The following SLC26A8 variants were observed in gnomAD, a reference collection of about 807,000 sequenced individuals.
SLC26A8 encodes solute carrier family 26 member 8.
In SLC26A8, 70 loss-of-function variants were observed where a neutral mutation model predicts 105.0. The ratio of observed to expected loss-of-function variants is 0.67; its 90% CI spans 0.55 to 0.81. The LOEUF (loss-of-function observed/expected upper bound fraction) is 0.81, where lower values mean the gene tolerates loss of function less well. Among genes scored for constraint, SLC26A8 ranks in the 40% least tolerant of loss-of-function variants. SLC26A8 has a pLI of 0.00. For missense variants in SLC26A8, 998 were observed against 1,181.8 expected (o/e 0.84, Z 2.28); for synonymous variants, 415 against 438.3 (o/e 0.95, Z 0.66).
intron 19 of SLC26A8, among the ~76,000 whole-genome samples, chr6:35,949,239 C>T (rs997960785): frequency 9.9e-5 from 15 of 152,080 alleles, no homozygotes; most frequent in African/African-American, 3.6e-4. Flanking sequence ...CAAGACCAGC[C>T]TGGCCTACAT....
rs764021050 is a variant in SLC26A8 at position 35,985,479 on chromosome 6, A to G, written c.943-3276T>C. ...GGAGGCCAAGGTGGGCAGATCACGA[A>G]GTCAGGAGATCGAGACCATCCTGGC... On this transcript the variant is annotated intron_variant, in intron 7 of 19. Transcript: ENST00000490799. 2.6e-5 allele frequency among the ~76,000 whole-genome samples: 4 copies of G among 151,748 alleles called. 1 individual carries two copies. The highest frequency in any genetic ancestry group is 4.2e-4 in the South Asian group (2 of 4,806).
chr6:36,016,604 T>C (rs1212887542), intron 2 of SLC26A8, among the ~76,000 whole-genome samples: 1 of 152,214 alleles, frequency 6.6e-6, no homozygotes, highest in Non-Finnish European at 1.5e-5. Context: ...AATTTTGGTA[T>C]TTTTGATATT....
At chr6:36,017,355 G>T (rs1252495154) in intron 2 of SLC26A8, among the ~76,000 whole-genome samples, 4 of 151,898 alleles carry the variant, frequency 2.6e-5, no homozygotes, top group African/African-American at 9.7e-5. Context: ...TTCTACATCA[G>T]GTGCGGTGGC....
At position 35,944,072 on chromosome 6, in the gene SLC26A8, G is replaced by C; in HGVS notation, c.2741C>G (p.Pro914Arg). The C allele has an allele frequency of 6.2e-7, 1 of 1,614,038 alleles. No homozygotes were observed. The highest frequency in any genetic ancestry group is 8.5e-7 in the Non-Finnish European group (1 of 1,180,002). Reference protein sequence around the residue: ...PETEPEMEPNPKSRPRAHTFP... With the variant: ...PETEPEMEPNRKSRPRAHTFP... ...AGTGTGAGCTCTTGGCCTAGATTTG[G>C]GGTTGGGCTCCATCTCAGGCTCAGT... The change falls in exon 20 of 20, where the codon CCC becomes CGC. Residue 914 changes from proline (P) to arginine (R), a missense_variant. By Grantham distance (103) the Pro-to-Arg change is moderately radical. Coordinates refer to ENST00000490799, the MANE Select transcript of SLC26A8 (RefSeq NM_052961.4).
intron 8 of SLC26A8, among the ~76,000 whole-genome samples, chr6:35,978,274 A>C (rs1773124823): frequency 6.6e-6 from 1 of 152,118 alleles, no homozygotes; most frequent in African/African-American, 2.4e-5. Flanking sequence ...TTATCCCAGA[A>C]TGAAGCATTA....
At chr6:36,019,735 A>C (rs373329413) in intron 1 of SLC26A8, 26 bp from the exon 2 acceptor site, 2 of 1,574,420 alleles carry the variant, frequency 1.3e-6, no homozygotes, top group Non-Finnish European at 1.7e-6. Context: ...GAGAGCAAAT[A>C]AAAGAGCATT....
intron 14 of SLC26A8, chr6:35,960,060 C>A (rs1192550745): frequency 1.2e-5 from 4 of 325,796 alleles, no homozygotes; most frequent in South Asian, 3.7e-5. Context: ...AGGCACCTGC[C>A]ATCACGCCCT....
At chr6:36,021,234 A>C (rs1762118784) in intron 1 of SLC26A8, among the ~76,000 whole-genome samples, 1 of 152,154 alleles carries the variant, frequency 6.6e-6, no homozygotes, top group Non-Finnish European at 1.5e-5. Context: ...TGGGAGAGGT[A>C]TTTTACAATA....
chr6:35,984,934 C>A (rs1408275295), intron 7 of SLC26A8, among the ~76,000 whole-genome samples: 1 of 152,142 alleles, frequency 6.6e-6, no homozygotes, highest in Non-Finnish European at 1.5e-5. Context: ...CCAGCATTAA[C>A]CTCAAAACAG....
chr6:35,974,364 A>T (rs1333253039), intron 10 of SLC26A8, among the ~76,000 whole-genome samples: 1 of 152,178 alleles, frequency 6.6e-6, no homozygotes, highest in Non-Finnish European at 1.5e-5. Flanking sequence ...CATTAGACTT[A>T]TAAAATCTCA....
intron 14 of SLC26A8, 168 bp downstream of exon 14, chr6:35,960,672 AAAT>A: frequency 8.9e-6 from 6 of 677,334 alleles, no homozygotes; most frequent in Admixed American, 8.8e-5. Context: ...CCAAAAAAAA[AAAT>A]AAAAACAAAG....
intron 7 of SLC26A8, among the ~76,000 whole-genome samples, chr6:35,988,416 T>C (rs1324133819): frequency 6.6e-6 from 1 of 152,130 alleles, no homozygotes; most frequent in African/African-American, 2.4e-5. Context: ...GGCAGCTCAC[T>C]TGAGGTCAGG....
chr6:35,988,815 A>C (rs549853678), intron 7 of SLC26A8, among the ~76,000 whole-genome samples: 7 of 150,386 alleles, frequency 4.7e-5, no homozygotes, highest in Admixed American at 4.0e-4. Context: ...TAAAGTGCAC[A>C]GCTTTTAGAT....
chr6:36,002,294 T>G (rs1458647471), intron 3 of SLC26A8, among the ~76,000 whole-genome samples: 2 of 152,202 alleles, frequency 1.3e-5, no homozygotes, highest in Non-Finnish European at 2.9e-5. Context: ...TATCCTGTCT[T>G]TGTTTCCAGT....
At chr6:35,945,927 T>A (rs553876467) in intron 19 of SLC26A8, among the ~76,000 whole-genome samples, 1 of 152,126 alleles carries the variant, frequency 6.6e-6, no homozygotes, top group Non-Finnish European at 1.5e-5. Context: ...TCGACCACCA[T>A]ATGACACTCT....
chr6:35,993,186 T>TGGGG (rs71307460), intron 5 of SLC26A8, among the ~76,000 whole-genome samples: 151 of 30,724 alleles, frequency 4.9e-3, no homozygotes, highest in South Asian at 0.015. Flanking sequence ...TGATAGAGAT[T>TGGGG]GGAGGGGGGG....
chr6:35,984,260 T>A (rs1279599752), intron 7 of SLC26A8, among the ~76,000 whole-genome samples: 1 of 152,036 alleles, frequency 6.6e-6, no homozygotes. Context: ...AGCATTGTAA[T>A]TATTTATAGC....
At position 36,024,623 on chromosome 6, in the gene SLC26A8, C is replaced by G. The variant is rs1347288581; in HGVS notation, c.-122G>C. The G allele has an allele frequency of 5.2e-6, 2 of 381,670 alleles. No individual in the cohort carries two copies. Among genetic ancestry groups the G allele is most frequent in the Admixed American group, 6.5e-5 (2 of 30,678 alleles). The allele number at this position is 381,670 out of a possible 1,614,324, so 23.6% of individuals were successfully genotyped here. On this transcript the variant is annotated 5_prime_UTR_variant, in exon 1 of 20. Transcript: ENST00000490799. ...TCCCGAGCCGTTGTGGCCTAGCCCGCGGGCGTTCCGGGCGGGCTGAGGAGA... is the reference window on the plus strand; with the variant it reads ...TCCCGAGCCGTTGTGGCCTAGCCCGGGGGCGTTCCGGGCGGGCTGAGGAGA...
At chr6:35,951,920 G>C (rs540534135) in intron 17 of SLC26A8, among the ~76,000 whole-genome samples, 222 of 152,218 alleles carry the variant, frequency 1.5e-3, no homozygotes, top group African/African-American at 5.1e-3. Context: ...ACTTGTCTGG[G>C]GGTATATGTA....
Sources: allele counts gnomAD v4.1 joint callset (sites outside exome capture counted in the v4.1 genomes callset), GRCh38; gene constraint gnomAD v4.1.1; transcripts MANE v1.5; gene names NCBI Gene and HGNC (gene_info 2026-07-23, HGNC 2026-07-21).